The following LATS1 variants were observed in gnomAD, a reference collection of about 807,000 sequenced individuals.
The protein encoded by LATS1 is serine/threonine-protein kinase LATS1.
LATS1 carries 25 observed loss-of-function variants against 106.6 expected under a neutral mutation model. The ratio of observed to expected loss-of-function variants is 0.23; its 90% CI spans 0.17 to 0.33. The LOEUF (loss-of-function observed/expected upper bound fraction) is 0.33, where lower values mean the gene tolerates loss of function less well. Ranked by LOEUF, LATS1 falls within the 10% of genes least tolerant of loss-of-function variation. The pLI is 1.00. For synonymous variants in LATS1, 465 were observed against 455.6 expected (o/e 1.02, Z -0.26); for missense variants, 1,040 against 1,382.6 (o/e 0.75, Z 3.93).
chr6:149,702,271 A>AACAG lies in LATS1; in HGVS notation c.-140-6_-140-5insCTGT. On this transcript the variant is annotated splice_polypyrimidine_tract_variant and splice_region_variant and intron_variant, in intron 1 of 7. Coordinates refer to ENST00000543571, the MANE Select transcript of LATS1 (RefSeq NM_004690.4). Reference sequence around the variant, plus strand: ...TTACAATATAAATAATTAACTCTGTAAAAGAAAGAAAGAAAGGAAAGCTAT... The same window carrying AACAG: ...TTACAATATAAATAATTAACTCTGTAACAGAAAGAAAGAAAGAAAGGAAAGCTAT... 2 of 571,608 alleles carry AACAG rather than the reference A, an allele frequency of 3.5e-6. No homozygotes were observed. The allele number at this position is 571,608 out of a possible 1,614,324, so 35.4% of individuals were successfully genotyped here. A position where few individuals can be genotyped will look rare whatever the true frequency, so the allele number is the denominator to read the frequency against.
chr6:149,666,402 G>C (rs994583745), intron 7 of LATS1, among the ~76,000 whole-genome samples: 4 of 151,794 alleles, frequency 2.6e-5, no homozygotes, highest in African/African-American at 9.7e-5. Flanking sequence ...CAGATCACAA[G>C]GTCAGGAGTT....
At chr6:149,708,823 T>C (rs1279466089) in intron 1 of LATS1, among the ~76,000 whole-genome samples, 1 of 152,176 alleles carries the variant, frequency 6.6e-6, no homozygotes, top group Non-Finnish European at 1.5e-5. Flanking sequence ...GGGGATTTGT[T>C]ACCACAAAAC....
chr6:149,716,064 A>C (rs1454225819), intron 1 of LATS1: 1 of 151,258 alleles, frequency 6.6e-6, no homozygotes, highest in African/African-American at 2.4e-5. Flanking sequence ...TTTTTTTTAA[A>C]GTTCAGACCC....
chr6:149,715,225 C>T (rs183487697), intron 1 of LATS1, among the ~76,000 whole-genome samples: 5 of 152,178 alleles, frequency 3.3e-5, no homozygotes, highest in African/African-American at 1.2e-4. Context: ...CGCGCTACCA[C>T]ACCGAGCTAA....
At chr6:149,677,178 T>C (rs183536596) in intron 5 of LATS1, among the ~76,000 whole-genome samples, 3 of 152,242 alleles carry the variant, frequency 2.0e-5, no homozygotes, top group African/African-American at 7.2e-5. Flanking sequence ...AACAGTGACA[T>C]ACCCTACACA....
intron 1 of LATS1, chr6:149,716,263 G>C (rs566801492): frequency 5.9e-4 from 90 of 152,310 alleles, no homozygotes; most frequent in Middle Eastern, 3.4e-3. Flanking sequence ...GCTGTGGTGG[G>C]AGGATTGCTC....
chr6:149,711,267 G>A (rs1260009631), intron 1 of LATS1, among the ~76,000 whole-genome samples: 3 of 151,974 alleles, frequency 2.0e-5, no homozygotes, highest in African/African-American at 4.8e-5. Flanking sequence ...TCTTTTGGCC[G>A]GGCACGGTGC....
chr6:149,704,158 C>T lies in LATS1; in HGVS notation c.-140-1892G>A, dbSNP rs527445208. Among the ~76,000 whole-genome samples, 13 of 152,236 alleles carry T rather than the reference C, an allele frequency of 8.5e-5. No homozygotes were observed. In the South Asian group the frequency reaches 2.5e-3, roughly 29 times the overall value. On this transcript the variant is annotated intron_variant, in intron 1 of 7. Transcript: ENST00000543571. ...AGCTGGGATTACAGGCATGCACCAC[C>T]GTGCCCAGCTAATTTTGTATTTTTA...
intron 7 of LATS1, among the ~76,000 whole-genome samples, chr6:149,670,422 G>C (rs1255464537): frequency 1.3e-5 from 2 of 151,904 alleles, no homozygotes; most frequent in African/African-American, 4.9e-5. Context: ...AACCTGATCA[G>C]ATACTTACAG....
rs1482138168 is a variant in LATS1, at chr6:149,702,480, A to AT, written c.-140-215dup. 3.6e-3 allele frequency: 642 copies of AT among 177,480 alleles called. 3 individuals carry two copies. The highest frequency in any genetic ancestry group is 0.015 in the African/African-American group (610 of 41,486). The allele number at this position is 177,480 out of a possible 1,614,324, so 11.0% of individuals were successfully genotyped here. A position where few individuals can be genotyped will look rare whatever the true frequency, so the allele number is the denominator to read the frequency against. On this transcript the variant is annotated intron_variant, in intron 1 of 7. Transcript: ENST00000543571. ...TTTACCTCAAATCGTAGCTATGATG[A>AT]TTTAAAAAAAAAAAAAAAGTTCCTT... is the stretch of plus-strand genomic sequence containing the variant.
At chr6:149,688,562 C>T (rs886434300) in intron 3 of LATS1, among the ~76,000 whole-genome samples, 1 of 151,968 alleles carries the variant, frequency 6.6e-6, no homozygotes, top group African/African-American at 2.4e-5. Context: ...CCCACCTCGG[C>T]CTCCCAAAGT....
In LATS1 at chr6:149,684,261, G is replaced by T. The variant is rs202046941; in HGVS notation, c.828C>A (p.Arg276=). 6.2e-7 allele frequency: 1 copy of T among 1,614,068 alleles called. No individual in the cohort carries two copies. Among genetic ancestry groups the T allele is most frequent in the East Asian group, 2.2e-5 (1 of 44,872 alleles). ...TTACGTATTCCATGTTTCCAGAATA[G>T]CGCTTTGTTTGAGAGTTTGGTTCCC... is the stretch of plus-strand genomic sequence containing the variant. ...PSWEPNSQTK[R]YSGNMEYVIS... The change falls in exon 4 of 8, where the codon CGC becomes CGA. Residue 276 remains arginine, a synonymous_variant. Coordinates refer to ENST00000543571, the MANE Select transcript of LATS1 (RefSeq NM_004690.4).
At chr6:149,681,136 CT>C (rs1282495502) in intron 4 of LATS1, among the ~76,000 whole-genome samples, 1 of 152,068 alleles carries the variant, frequency 6.6e-6, no homozygotes, top group African/African-American at 2.4e-5. Context: ...ACAAGATATC[CT>C]TTGGATACTT....
At chr6:149,687,875 T>C (rs1269228302) in intron 3 of LATS1, among the ~76,000 whole-genome samples, 1 of 142,604 alleles carries the variant, frequency 7.0e-6, no homozygotes, top group East Asian at 2.1e-4. Flanking sequence ...ACCCTCCTCT[T>C]TTTTTTTTTT....
intron 5 of LATS1, among the ~76,000 whole-genome samples, chr6:149,677,803 T>C (rs150371277): frequency 2.8e-4 from 43 of 152,234 alleles, no homozygotes; most frequent in African/African-American, 8.9e-4. Context: ...GGGTGGATCA[T>C]GAGGTCAAGA....
chr6:149,717,101 A>C (rs954573551), intron 1 of LATS1, among the ~76,000 whole-genome samples: 1 of 152,194 alleles, frequency 6.6e-6, no homozygotes, highest in Non-Finnish European at 1.5e-5. Flanking sequence ...TGTTCACTAG[A>C]TTTATGAATA....
At position 149,661,605 on chromosome 6, in the gene LATS1, A is replaced by T. The variant is rs1780887346; in HGVS notation, c.*124T>A. The T allele has an allele frequency of 4.4e-6, 3 of 677,442 alleles. No individual in the cohort carries two copies. The highest frequency in any genetic ancestry group is 6.9e-6 in the Non-Finnish European group (3 of 437,476). 42.0% of individuals were successfully genotyped at this position (677,442 alleles called of 1,614,324 possible). On this transcript the variant is annotated 3_prime_UTR_variant, in exon 8 of 8. Transcript: ENST00000543571. ...ATTTCCCATAATTTAGGAAAATAAA[A>T]TATTGTACACAGAGCACACATATAT...
chr6:149,684,853 T>A (rs932378867), intron 3 of LATS1, among the ~76,000 whole-genome samples: 5 of 152,142 alleles, frequency 3.3e-5, no homozygotes, highest in Non-Finnish European at 7.4e-5. Context: ...TAATAATACA[T>A]GTTATTTGGC....
intron 7 of LATS1, among the ~76,000 whole-genome samples, chr6:149,673,355 T>C (rs1395960645): frequency 6.6e-6 from 1 of 151,904 alleles, no homozygotes; most frequent in African/African-American, 2.4e-5. Context: ...CGCCTTGGCT[T>C]ACCAAAGTGC....
Sources: gnomAD v4.1 joint callset for allele counts (sites outside exome capture counted in the v4.1 genomes callset) on GRCh38, gnomAD v4.1.1 for gene constraint, MANE v1.5 for transcripts, NCBI Gene and HGNC (gene_info 2026-07-23, HGNC 2026-07-21) for gene names.